Variants in CCSER1 observed in about 807,000 individuals in gnomAD.
CCSER1 encodes serine-rich coiled-coil domain-containing protein 1.
Under a neutral mutation model 82.0 loss-of-function variants are expected in CCSER1, and 41 were observed. The observed-to-expected ratio is 0.50, with a 90% confidence interval of 0.39 to 0.65. CCSER1 has a LOEUF of 0.65. Among genes scored for constraint, CCSER1 ranks in the 30% least tolerant of loss-of-function variants. The pLI, the probability that CCSER1 is intolerant of heterozygous loss-of-function variation, is 0.00. For synonymous variants in CCSER1, 414 were observed against 383.9 expected, an observed-to-expected ratio of 1.08 and a Z score of -0.92; for missense variants, 1,119 against 1,064.2, an observed-to-expected ratio of 1.05 and a Z score of -0.72.
intron 7 of CCSER1, among the ~76,000 whole-genome samples, chr4:90,797,183 A>G (rs1756155489): frequency 1.3e-5 from 2 of 152,172 alleles, no homozygotes; most frequent in Admixed American, 6.5e-5. Context: ...GGGTGCATAT[A>G]TATTTAGGTT....
intron 10 of CCSER1, among the ~76,000 whole-genome samples, chr4:91,362,235 CT>C (rs1471494138): frequency 6.6e-6 from 1 of 151,768 alleles, no homozygotes; most frequent in East Asian, 1.9e-4. Flanking sequence ...AATTCTTCCC[CT>C]TTTTGGTAGT....
intron 10 of CCSER1, among the ~76,000 whole-genome samples, chr4:91,297,421 G>GTGTA (rs1436393705): frequency 6.8e-6 from 1 of 146,132 alleles, no homozygotes; most frequent in Non-Finnish European, 1.5e-5. Flanking sequence ...GTGTGTGTGT[G>GTGTA]TGTTAGGGAG....
intron 10 of CCSER1, among the ~76,000 whole-genome samples, chr4:91,218,157 C>T (rs975288172): frequency 3.9e-5 from 6 of 152,224 alleles, no homozygotes; most frequent in African/African-American, 9.6e-5. Flanking sequence ...GAGCACAGCA[C>T]GGTGGGCCGG....
chr4:90,818,718 T>G (rs966635563), intron 8 of CCSER1, among the ~76,000 whole-genome samples: 2 of 152,184 alleles, frequency 1.3e-5, no homozygotes, highest in Admixed American at 6.5e-5. Flanking sequence ...CTAGCCTCTC[T>G]CCTCTAGATG....
intron 5 of CCSER1, among the ~76,000 whole-genome samples, chr4:90,479,390 T>G: frequency 6.6e-6 from 1 of 152,312 alleles, no homozygotes; most frequent in East Asian, 1.9e-4. Flanking sequence ...CTTTTTCGTC[T>G]TTTTATACTT....
At chr4:90,182,050 G>GAAGAAT (rs1384227042) in intron 1 of CCSER1, among the ~76,000 whole-genome samples, 1 of 152,144 alleles carries the variant, frequency 6.6e-6, no homozygotes, top group Non-Finnish European at 1.5e-5. Flanking sequence ...TGGAGGAAAA[G>GAAGAAT]AAGAATGATT....
chr4:90,880,645 G>A (rs55830502), intron 8 of CCSER1, among the ~76,000 whole-genome samples: 1,922 of 152,294 alleles, frequency 0.013, 34 homozygotes, highest in African/African-American at 0.044. Flanking sequence ...GCTCTGGCAA[G>A]AGGTGGCTGG....
intron 10 of CCSER1, among the ~76,000 whole-genome samples, chr4:91,401,318 A>G (rs928936775): frequency 6.7e-5 from 10 of 148,424 alleles, no homozygotes; most frequent in African/African-American, 2.4e-4. Flanking sequence ...CAATATAGAT[A>G]TACTGTATAT....
At chr4:91,428,400 G>C (rs1309267991) in intron 10 of CCSER1, among the ~76,000 whole-genome samples, 1 of 151,962 alleles carries the variant, frequency 6.6e-6, no homozygotes, top group Non-Finnish European at 1.5e-5. Flanking sequence ...GAACAAATTT[G>C]GGTCTTTATA....
At chr4:90,968,382 C>T (rs1167455681) in intron 9 of CCSER1, among the ~76,000 whole-genome samples, 19 of 152,018 alleles carry the variant, frequency 1.2e-4, no homozygotes, top group Non-Finnish European at 1.5e-5. Flanking sequence ...TTAGCAGGTG[C>T]TCCATGTGTG....
At chr4:90,220,316 A>G (rs1275142062) in intron 1 of CCSER1, among the ~76,000 whole-genome samples, 2 of 152,132 alleles carry the variant, frequency 1.3e-5, no homozygotes, top group African/African-American at 2.4e-5. Flanking sequence ...CGGTAATTCA[A>G]AACATTTAAT....
chr4:90,628,128 G>T lies in CCSER1; in HGVS notation c.1828G>T (p.Val610Leu), dbSNP rs747116392. The stretch of plus-strand genomic sequence containing the variant: ...ATCTGCGGATTGGCCTCTACAAGGT[G>T]TGGAAGAAAACGGAGGCATAGATTC... ...SPSADWPLQG[V>L]EENGGIDSLP... Residue 610 changes from valine to leucine, a missense_variant, in exon 6 of 11, where the codon GTG becomes TTG. By Grantham distance (32) the Val-to-Leu change is conservative. Transcript: ENST00000509176. 1.2e-6 allele frequency: 2 copies of T among 1,613,802 alleles called. No homozygotes were observed. Among genetic ancestry groups the T allele is most frequent in the South Asian group, 1.1e-5 (1 of 91,078 alleles).
chr4:90,699,388 C>G (rs956653152), intron 6 of CCSER1, among the ~76,000 whole-genome samples: 1 of 152,084 alleles, frequency 6.6e-6, no homozygotes, highest in African/African-American at 2.4e-5. Context: ...TCTCTTGAAC[C>G]TGGGAGGTGA....
At chr4:90,658,958 C>T (rs998450400) in intron 6 of CCSER1, among the ~76,000 whole-genome samples, 2 of 152,082 alleles carry the variant, frequency 1.3e-5, no homozygotes, top group Admixed American at 6.5e-5. Flanking sequence ...GTACTGTATA[C>T]ACACACATGT....
At chr4:91,457,791 A>AT (rs1281786058) in intron 10 of CCSER1, among the ~76,000 whole-genome samples, 1 of 152,090 alleles carries the variant, frequency 6.6e-6, no homozygotes, top group Non-Finnish European at 1.5e-5. Flanking sequence ...AAAAAGTGTA[A>AT]TTTTTTCTGT....
intron 8 of CCSER1, among the ~76,000 whole-genome samples, chr4:90,838,504 C>G (rs1256935422): frequency 6.6e-6 from 1 of 150,478 alleles, no homozygotes; most frequent in African/African-American, 2.4e-5. Flanking sequence ...AGTTTTTAAA[C>G]TTTTTATTTG....
At chr4:90,932,495 A>G in intron 9 of CCSER1, among the ~76,000 whole-genome samples, 1 of 152,238 alleles carries the variant, frequency 6.6e-6, no homozygotes, top group East Asian at 1.9e-4. Context: ...GTGCTAATAT[A>G]GAATGAAAAG....
At chr4:91,424,041 G>A (rs1753830839) in intron 10 of CCSER1, among the ~76,000 whole-genome samples, 1 of 109,100 alleles carries the variant, frequency 9.2e-6, no homozygotes, top group African/African-American at 3.7e-5. Context: ...ACGGAGTCTC[G>A]CTCTGTCGCC....
At chr4:91,501,337 A>T (rs543193704) in intron 10 of CCSER1, among the ~76,000 whole-genome samples, 2 of 151,848 alleles carry the variant, frequency 1.3e-5, no homozygotes, top group East Asian at 3.9e-4. Flanking sequence ...TATTTTTTCC[A>T]GTTAGAAAAT....
Sources: gnomAD v4.1 joint callset for allele counts (sites outside exome capture counted in the v4.1 genomes callset) on GRCh38, gnomAD v4.1.1 for gene constraint, MANE v1.5 for transcripts, NCBI Gene and HGNC (gene_info 2026-07-23, HGNC 2026-07-21) for gene names.